LUC7L2: variants seen among roughly 807,000 people sequenced by gnomAD.
The protein encoded by LUC7L2 is LUC7 like 2, pre-mRNA splicing factor.
In LUC7L2, 25 loss-of-function variants were observed where a neutral mutation model predicts 52.8. The ratio of observed to expected loss-of-function variants is 0.47; its 90% CI spans 0.34 to 0.66. The LOEUF is 0.66. LUC7L2 is among the 30% of genes least tolerant of loss of function. LUC7L2 has a pLI of 0.01. For synonymous variants in LUC7L2, 144 were observed against 160.9 expected (o/e 0.89, Z 0.80); for missense variants, 328 against 497.8 (o/e 0.66, Z 3.25).
intron 1 of LUC7L2, among the ~76,000 whole-genome samples, chr7:139,350,557 T>C (rs1343938169): frequency 6.6e-6 from 1 of 152,142 alleles, no homozygotes; most frequent in Non-Finnish European, 1.5e-5. Flanking sequence ...GAGGTACAGA[T>C]GACCTTCAGG....
At chr7:139,412,282 C>T (rs1171967697) in intron 7 of LUC7L2, among the ~76,000 whole-genome samples, 1 of 151,464 alleles carries the variant, frequency 6.6e-6, no homozygotes, top group Non-Finnish European at 1.5e-5. Flanking sequence ...CTTAGCGTTT[C>T]GGAGAAGGAG....
intron 1 of LUC7L2, among the ~76,000 whole-genome samples, chr7:139,365,455 C>T (rs528003757): frequency 4.6e-5 from 7 of 152,152 alleles, no homozygotes; most frequent in East Asian, 3.9e-4. Flanking sequence ...TAGTGTTCAA[C>T]GTGTTCAAGA....
intron 2 of LUC7L2, among the ~76,000 whole-genome samples, chr7:139,386,942 C>T (rs921611597): frequency 3.3e-5 from 5 of 152,042 alleles, no homozygotes; most frequent in South Asian, 2.1e-4. Flanking sequence ...TGGGTTCAAG[C>T]GATTCTCCTG....
chr7:139,340,666 T>C (rs1226199109), intron 1 of LUC7L2: 5 of 395,228 alleles, frequency 1.3e-5, no homozygotes, highest in African/African-American at 2.1e-5. Flanking sequence ...AGGAAAATAG[T>C]TGAATATGTT....
At chr7:139,351,200 G>A (rs1481961270) in intron 1 of LUC7L2, among the ~76,000 whole-genome samples, 1 of 152,084 alleles carries the variant, frequency 6.6e-6, no homozygotes, top group African/African-American at 2.4e-5. Flanking sequence ...ATGTCCAACG[G>A]CCTGGAGGAT....
chr7:139,386,310 T>C (rs1205117393), intron 2 of LUC7L2, among the ~76,000 whole-genome samples: 1 of 152,070 alleles, frequency 6.6e-6, no homozygotes, highest in African/African-American at 2.4e-5. Flanking sequence ...CCTAAAAATA[T>C]TCTTTATACA....
chr7:139,422,502 G>A lies in LUC7L2; in HGVS notation c.*162G>A. The A allele has an allele frequency of 7.6e-7, 1 of 1,309,924 alleles. No homozygotes were observed. The highest frequency in any genetic ancestry group is 9.8e-7 in the Non-Finnish European group (1 of 1,024,870). 81.1% of individuals were successfully genotyped at this position (1,309,924 alleles called of 1,614,324 possible). A position where few individuals can be genotyped will look rare whatever the true frequency, so the allele number is the denominator to read the frequency against. On this transcript the variant is annotated 3_prime_UTR_variant, in exon 10 of 10. Transcript: ENST00000354926. ...GATCTGAACTGAACCTGTTTTCCTT[G>A]ATGATGCCTAAAACTACATCCATAG...
rs531517709 is a variant in LUC7L2, at chr7:139,375,834, C to G, written c.62-228C>G. The G allele has an allele frequency of 7.7e-5, 33 of 426,482 alleles. No individual in the cohort carries two copies. The South Asian group carries it at 1.5e-3, about 20-fold the overall frequency. 26.4% of individuals were successfully genotyped at this position (426,482 alleles called of 1,614,324 possible). A position where few individuals can be genotyped will look rare whatever the true frequency, so the allele number is the denominator to read the frequency against. ...CTGAAGTACTCTATTTAACAGAATGCATTGCTTTCTCACTTTGACTATTTG... is the reference window on the plus strand; with the variant it reads ...CTGAAGTACTCTATTTAACAGAATGGATTGCTTTCTCACTTTGACTATTTG... On this transcript the variant is annotated intron_variant, in intron 1 of 9. Coordinates refer to ENST00000354926, the MANE Select transcript of LUC7L2 (RefSeq NM_016019.5).
chr7:139,381,877 A>C (rs1262194468), intron 2 of LUC7L2, among the ~76,000 whole-genome samples: 1 of 110,674 alleles, frequency 9.0e-6, no homozygotes, highest in Non-Finnish European at 1.7e-5. Flanking sequence ...CGCCTGGCCT[A>C]ATTTTTTTTT....
At chr7:139,361,515 C>T (rs1363724402) in intron 1 of LUC7L2, among the ~76,000 whole-genome samples, 3 of 152,124 alleles carry the variant, frequency 2.0e-5, no homozygotes, top group African/African-American at 7.2e-5. Context: ...TTTCAGTGTT[C>T]ACATTTTCAG....
chr7:139,348,137 A>T (rs897973782), intron 1 of LUC7L2, among the ~76,000 whole-genome samples: 1 of 151,836 alleles, frequency 6.6e-6, no homozygotes, highest in East Asian at 1.9e-4. Flanking sequence ...TTGTTACCAT[A>T]TTGAATATAT....
intron 1 of LUC7L2, among the ~76,000 whole-genome samples, chr7:139,373,454 A>G (rs1466566839): frequency 6.6e-6 from 1 of 152,182 alleles, no homozygotes; most frequent in Non-Finnish European, 1.5e-5. Flanking sequence ...TGAGTTTGCT[A>G]CGGTTATCAA....
intron 1 of LUC7L2, among the ~76,000 whole-genome samples, chr7:139,344,610 A>T (rs1434089915): frequency 2.0e-5 from 3 of 152,020 alleles, no homozygotes; most frequent in African/African-American, 7.2e-5. Context: ...GAACATAAGC[A>T]TACTAGTTTT....
chr7:139,363,321 C>A, intron 1 of LUC7L2: 1 of 819,846 alleles, frequency 1.2e-6, no homozygotes, highest in Non-Finnish European at 1.5e-6. Flanking sequence ...GTAACTCATA[C>A]CCATATAACT....
chr7:139,389,418 ATCT>A (rs984164670), intron 2 of LUC7L2, among the ~76,000 whole-genome samples: 6 of 152,274 alleles, frequency 3.9e-5, no homozygotes, highest in Non-Finnish European at 8.8e-5. Flanking sequence ...TCTAGTAGAA[ATCT>A]TCTCGTTCCA....
chr7:139,374,484 T>C (rs1800609669), intron 1 of LUC7L2: 10 of 1,550,666 alleles, frequency 6.4e-6, no homozygotes, highest in South Asian at 5.9e-5. Context: ...GAGTTATCGC[T>C]AACTTTTCAG....
intron 1 of LUC7L2, among the ~76,000 whole-genome samples, chr7:139,368,151 G>T (rs555818736): frequency 6.6e-4 from 100 of 152,270 alleles, no homozygotes; most frequent in Admixed American, 1.9e-3. Context: ...GTGCTTTAGG[G>T]TATAGTAATT....
At chr7:139,385,164 T>G (rs1248211542) in intron 2 of LUC7L2, among the ~76,000 whole-genome samples, 43 of 152,162 alleles carry the variant, frequency 2.8e-4, no homozygotes, top group Admixed American at 2.8e-3. Flanking sequence ...TGATGTTTAT[T>G]TAATGAATTT....
chr7:139,390,557 GTTT>G (rs528049490), intron 2 of LUC7L2, among the ~76,000 whole-genome samples: 1 of 125,182 alleles, frequency 8.0e-6, no homozygotes, highest in East Asian at 2.3e-4. Flanking sequence ...AGACAATGTA[GTTT>G]TTTTTTTTTT....
Sources: gnomAD v4.1 joint callset for allele counts (sites outside exome capture counted in the v4.1 genomes callset) on GRCh38, gnomAD v4.1.1 for gene constraint, MANE v1.5 for transcripts, NCBI Gene and HGNC (gene_info 2026-07-23, HGNC 2026-07-21) for gene names.